Variants in ADGRV1 observed in about 807,000 individuals in gnomAD.
ADGRV1 encodes the protein adhesion G protein-coupled receptor V1.
A neutral mutation model predicts 596.2 loss-of-function variants in ADGRV1; 359 were observed. The ratio of observed to expected loss-of-function variants is 0.60; its 90% confidence interval spans 0.55 to 0.66. The LOEUF is 0.66. Ranked by LOEUF, ADGRV1 falls within the 30% of genes least tolerant of loss-of-function variation. ADGRV1 has a pLI of 0.00. For missense variants in ADGRV1, 7,274 were observed against 7,575.6 expected, an observed-to-expected ratio of 0.96 and a Z score of 1.48; for synonymous variants, 2,681 against 2,679.2, an observed-to-expected ratio of 1.00 and a Z score of -0.02.
At chr5:91,147,830 CAGA>C (rs1344415238) in intron 87 of ADGRV1, among the ~76,000 whole-genome samples, 1 of 152,036 alleles carries the variant, frequency 6.6e-6, no homozygotes. Context: ...TTGGAGGGCT[CAGA>C]AGAAGACAGG....
At chr5:90,839,939 G>T (rs1365970813) in intron 77 of ADGRV1, among the ~76,000 whole-genome samples, 2 of 152,174 alleles carry the variant, frequency 1.3e-5, no homozygotes, top group Non-Finnish European at 2.9e-5. Flanking sequence ...GAGTTTAATA[G>T]TTCTTGGCTC....
At chr5:90,975,298 C>T (rs1779458045) in intron 84 of ADGRV1, among the ~76,000 whole-genome samples, 1 of 152,170 alleles carries the variant, frequency 6.6e-6, no homozygotes, top group East Asian at 1.9e-4. Context: ...TGTGGCGATT[C>T]CTCAAGGATC....
At chr5:90,812,364 G>A (rs1012860872) in intron 74 of ADGRV1, among the ~76,000 whole-genome samples, 1 of 152,022 alleles carries the variant, frequency 6.6e-6, no homozygotes, top group African/African-American at 2.4e-5. Flanking sequence ...ACTTATAATT[G>A]TACATATTTA....
At chr5:90,754,087 G>C (rs191555904) in intron 54 of ADGRV1, among the ~76,000 whole-genome samples, 1 of 152,128 alleles carries the variant, frequency 6.6e-6, no homozygotes, top group East Asian at 1.9e-4. Context: ...GTACAGTAGA[G>C]GTGACTGTTT....
intron 86 of ADGRV1, 114 bp from the exon 87 acceptor site, chr5:91,102,105 T>C: frequency 1.1e-6 from 1 of 915,470 alleles, no homozygotes; most frequent in Admixed American, 2.8e-5. Flanking sequence ...ATTTCCAAGG[T>C]TGTTCTCTCA....
intron 82 of ADGRV1, among the ~76,000 whole-genome samples, chr5:90,856,513 T>C (rs1767037274): frequency 6.6e-6 from 1 of 152,200 alleles, no homozygotes; most frequent in African/African-American, 2.4e-5. Flanking sequence ...TTATTTGCTG[T>C]ATTAATTATA....
chr5:90,666,698 C>T (rs1321734960), intron 21 of ADGRV1, among the ~76,000 whole-genome samples: 4 of 150,754 alleles, frequency 2.7e-5, no homozygotes, highest in Non-Finnish European at 5.9e-5. Context: ...GCAGTTTCTT[C>T]CTAGTCTCGA....
intron 84 of ADGRV1, among the ~76,000 whole-genome samples, chr5:90,969,426 A>G (rs994643145): frequency 1.3e-5 from 2 of 152,170 alleles, no homozygotes; most frequent in Non-Finnish European, 2.9e-5. Flanking sequence ...AGTGAGGTGG[A>G]CACTAACTAG....
intron 21 of ADGRV1, among the ~76,000 whole-genome samples, chr5:90,662,160 ATTG>A (rs2149492478): frequency 7.0e-6 from 1 of 142,608 alleles, no homozygotes; most frequent in African/African-American, 2.6e-5. Flanking sequence ...TTTTGGCAAT[ATTG>A]TTTAATCATT....
intron 1 of ADGRV1, among the ~76,000 whole-genome samples, chr5:90,600,440 T>C (rs1433128217): frequency 6.6e-6 from 1 of 152,208 alleles, no homozygotes; most frequent in Admixed American, 6.5e-5. Flanking sequence ...TTGCTGGGAA[T>C]GATGGTTTCC....
chr5:91,087,831 G>C (rs1241857570), intron 86 of ADGRV1, among the ~76,000 whole-genome samples: 1 of 152,096 alleles, frequency 6.6e-6, no homozygotes, highest in Non-Finnish European at 1.5e-5. Context: ...ACTAATACAA[G>C]GTCACACAGC....
intron 85 of ADGRV1, among the ~76,000 whole-genome samples, chr5:91,069,174 C>A (rs1275481514): frequency 4.6e-5 from 7 of 152,078 alleles, no homozygotes; most frequent in Admixed American, 3.9e-4. Flanking sequence ...GTATAACCTA[C>A]AACTATAAAA....
chr5:90,689,928 A>G lies in ADGRV1; in HGVS notation c.6558A>G (p.Pro2186=), dbSNP rs751739234. Residue 2186 remains proline (P), a synonymous_variant, in exon 30 of 90, where the codon CCA becomes CCG. Coordinates refer to ENST00000405460, the MANE Select transcript of ADGRV1 (RefSeq NM_032119.4). ...LLEGETSKAV[P]IYVINDIYPE... ...AAGGGGAAACCAGTAAAGCCGTGCC[A>G]ATATATGTCATTAATGATATCTATC... 1 of 1,613,238 alleles carries G rather than the reference A, an allele frequency of 6.2e-7. No homozygotes were observed. The highest frequency in any genetic ancestry group is 1.1e-5 in the South Asian group (1 of 90,914).
At chr5:90,690,576 A>G (rs1425602052) in intron 30 of ADGRV1, among the ~76,000 whole-genome samples, 2 of 152,182 alleles carry the variant, frequency 1.3e-5, no homozygotes, top group South Asian at 2.1e-4. Flanking sequence ...CTTGAGCCCT[A>G]TGGGCTTTGT....
At position 91,035,018 on chromosome 5, in the gene ADGRV1, CA is replaced by C. The variant is rs749504080; in HGVS notation, c.18153-37426del. On this transcript the variant is annotated intron_variant, in intron 85 of 89. Coordinates refer to ENST00000405460, the MANE Select transcript of ADGRV1 (RefSeq NM_032119.4). Reference sequence around the variant, plus strand: ...AACTCCTGGCCTCAAGCAATCCTCCCAAAGTACTGGGATTTCAGATGTGAGC... The same window carrying C: ...AACTCCTGGCCTCAAGCAATCCTCCCAAGTACTGGGATTTCAGATGTGAGC... 7.9e-5 allele frequency among the ~76,000 whole-genome samples: 12 copies of C among 152,234 alleles called. No individual in the cohort carries two copies. In the South Asian group the frequency reaches 2.5e-3, roughly 32 times the overall value.
At chr5:90,738,267 A>G (rs754925436) in intron 50 of ADGRV1, among the ~76,000 whole-genome samples, 1 of 152,030 alleles carries the variant, frequency 6.6e-6, no homozygotes, top group Non-Finnish European at 1.5e-5. Context: ...TGTAATTTGT[A>G]TTTCCTAACA....
chr5:90,593,542 A>G (rs1759815095), intron 1 of ADGRV1, among the ~76,000 whole-genome samples: 2 of 152,166 alleles, frequency 1.3e-5, no homozygotes, highest in African/African-American at 4.8e-5. Context: ...TGGCACATGT[A>G]TACCTATGTA....
At chr5:91,041,625 T>C (rs866563830) in intron 85 of ADGRV1, among the ~76,000 whole-genome samples, 1 of 149,174 alleles carries the variant, frequency 6.7e-6, no homozygotes, top group South Asian at 2.1e-4. Context: ...CCCCAGAACC[T>C]AAAGTATAAT....
intron 38 of ADGRV1, among the ~76,000 whole-genome samples, chr5:90,708,610 G>T (rs889909035): frequency 9.9e-5 from 15 of 151,876 alleles, no homozygotes; most frequent in African/African-American, 3.6e-4. Flanking sequence ...GTGGTTTCAT[G>T]TGGGTCAACC....
Sources: allele counts gnomAD v4.1 joint callset (sites outside exome capture counted in the v4.1 genomes callset), GRCh38; gene constraint gnomAD v4.1.1; transcripts MANE v1.5; gene names NCBI Gene and HGNC (gene_info 2026-07-23, HGNC 2026-07-21).